CCDC102B: variants seen among roughly 807,000 people sequenced by gnomAD.
The protein encoded by CCDC102B is coiled-coil domain containing 102B.
A neutral mutation model predicts 57.4 loss-of-function variants in CCDC102B; 75 were observed. That is an observed-to-expected ratio of 1.31 (90% CI 1.08 to 1.58). The LOEUF (loss-of-function observed/expected upper bound fraction) is 1.58. Ranked by LOEUF, CCDC102B falls within the 40% of genes most tolerant of loss-of-function variation. CCDC102B has a pLI of 0.00. For missense variants in CCDC102B, 636 were observed against 582.6 expected (o/e 1.09, Z -0.94); for synonymous variants, 206 against 201.9 (o/e 1.02, Z -0.17).
chr18:68,875,529 G>T (rs910186688), intron 5 of CCDC102B, among the ~76,000 whole-genome samples: 1 of 152,104 alleles, frequency 6.6e-6, no homozygotes, highest in Non-Finnish European at 1.5e-5. Flanking sequence ...GCAACTGTAG[G>T]CTGGTAGAAA....
At chr18:68,817,169 C>T (rs2036517708) in intron 1 of CCDC102B, among the ~76,000 whole-genome samples, 1 of 152,120 alleles carries the variant, frequency 6.6e-6, no homozygotes, top group African/African-American at 2.4e-5. Flanking sequence ...ACACTTGATT[C>T]ACATTACATA....
chr18:68,851,463 C>G (rs1362990208), intron 4 of CCDC102B, among the ~76,000 whole-genome samples: 1 of 152,154 alleles, frequency 6.6e-6, no homozygotes, highest in Non-Finnish European at 1.5e-5. Context: ...ATATAAGTAC[C>G]TTCAAGACCT....
intron 7 of CCDC102B, among the ~76,000 whole-genome samples, chr18:69,041,393 T>C (rs1384161598): frequency 6.6e-6 from 1 of 152,112 alleles, no homozygotes; most frequent in Non-Finnish European, 1.5e-5. Context: ...CCTACACTTA[T>C]TGGATACAGG....
chr18:68,884,921 A>G (rs572615128), intron 5 of CCDC102B, among the ~76,000 whole-genome samples: 10 of 151,986 alleles, frequency 6.6e-5, no homozygotes, highest in Admixed American at 3.3e-4. Flanking sequence ...GGTGATGTAT[A>G]TGCTAATTTG....
At chr18:68,751,235 A>C (rs1043601182) in intron 2 of CCDC102B, among the ~76,000 whole-genome samples, 1 of 152,198 alleles carries the variant, frequency 6.6e-6, no homozygotes, top group African/African-American at 2.4e-5. Context: ...AGAAGTAAAA[A>C]GTTCCTGTGA....
chr18:69,027,543 C>G (rs1207929414), intron 7 of CCDC102B, among the ~76,000 whole-genome samples: 2 of 152,008 alleles, frequency 1.3e-5, no homozygotes, highest in Non-Finnish European at 2.9e-5. Context: ...AGGTGTAAAT[C>G]ATTTAGTGTA....
At chr18:69,007,911 A>G (rs1374652170) in intron 6 of CCDC102B, among the ~76,000 whole-genome samples, 1 of 152,118 alleles carries the variant, frequency 6.6e-6, no homozygotes, top group Non-Finnish European at 1.5e-5. Context: ...CTTTCCTTGT[A>G]TGAACACTGA....
intron 2 of CCDC102B, among the ~76,000 whole-genome samples, chr18:68,768,608 CAGA>C (rs1338533237): frequency 1.3e-5 from 2 of 152,042 alleles, no homozygotes; most frequent in East Asian, 3.9e-4. Flanking sequence ...GTCAAAATCA[CAGA>C]AGTTCAATAT....
chr18:69,051,704 C>T (rs1165367705), intron 7 of CCDC102B, among the ~76,000 whole-genome samples: 1 of 151,850 alleles, frequency 6.6e-6, no homozygotes, highest in Non-Finnish European at 1.5e-5. Context: ...TGCTATCAGA[C>T]TTTATAAAAG....
At chr18:68,981,622 A>G (rs2050584368) in intron 6 of CCDC102B, among the ~76,000 whole-genome samples, 1 of 152,034 alleles carries the variant, frequency 6.6e-6, no homozygotes, top group Non-Finnish European at 1.5e-5. Context: ...GAAAAAACAC[A>G]CAAAGCCCTT....
At chr18:68,897,589 A>T in intron 6 of CCDC102B, 161 bp downstream of exon 6, 2 of 1,575,466 alleles carry the variant, frequency 1.3e-6, no homozygotes, top group African/African-American at 2.7e-5. Flanking sequence ...ATGTAAAATA[A>T]CGTTCATGCA....
At chr18:68,867,955 G>A (rs1018042696) in intron 4 of CCDC102B, among the ~76,000 whole-genome samples, 5 of 151,906 alleles carry the variant, frequency 3.3e-5, no homozygotes, top group Non-Finnish European at 7.4e-5. Context: ...AAAAAAAAAG[G>A]GCTAGTTAGT....
chr18:68,969,050 T>C (rs927621109), intron 6 of CCDC102B, among the ~76,000 whole-genome samples: 9 of 152,186 alleles, frequency 5.9e-5, no homozygotes, highest in African/African-American at 2.2e-4. Flanking sequence ...AGAGCTCAGA[T>C]TGTGAGCTCA....
At chr18:68,858,845 G>A (rs1340337008) in intron 4 of CCDC102B, 1 of 152,142 alleles carries the variant, frequency 6.6e-6, no homozygotes, top group Non-Finnish European at 1.5e-5. Flanking sequence ...ATATAAAACT[G>A]TCAAGAAGAT....
At chr18:68,915,011 G>A (rs923830334) in intron 6 of CCDC102B, among the ~76,000 whole-genome samples, 1 of 152,180 alleles carries the variant, frequency 6.6e-6, no homozygotes, top group African/African-American at 2.4e-5. Flanking sequence ...CAGAAAGAGA[G>A]AGAGAGAGAA....
At chr18:69,046,197 A>G (rs1343517105) in intron 7 of CCDC102B, among the ~76,000 whole-genome samples, 2 of 152,082 alleles carry the variant, frequency 1.3e-5, no homozygotes, top group Non-Finnish European at 2.9e-5. Flanking sequence ...GAATGGCTGA[A>G]CTAATTTACA....
chr18:68,818,003 T>C (rs773308924), intron 1 of CCDC102B, among the ~76,000 whole-genome samples: 9 of 152,228 alleles, frequency 5.9e-5, no homozygotes, highest in Non-Finnish European at 1.0e-4. Flanking sequence ...ATTTTCATTA[T>C]ATATGTTATA....
intron 2 of CCDC102B, among the ~76,000 whole-genome samples, chr18:68,788,413 A>G (rs1870774020): frequency 1.3e-5 from 2 of 149,190 alleles, no homozygotes; most frequent in African/African-American, 4.9e-5. Context: ...TGATCTGTCT[A>G]ATGTTGACAG....
chr18:68,933,400 C>T (rs1352153824), intron 6 of CCDC102B, among the ~76,000 whole-genome samples: 3 of 151,688 alleles, frequency 2.0e-5, no homozygotes, highest in African/African-American at 7.3e-5. Flanking sequence ...TTTTGGAGGC[C>T]AAATATTCTT....
Sources: gnomAD v4.1 joint callset for allele counts (sites outside exome capture counted in the v4.1 genomes callset) on GRCh38, gnomAD v4.1.1 for gene constraint, MANE v1.5 for transcripts, NCBI Gene and HGNC (gene_info 2026-07-23, HGNC 2026-07-21) for gene names.